XXYLT1: variants seen among roughly 807,000 people sequenced by gnomAD.
The protein encoded by XXYLT1 is xyloside xylosyltransferase 1, also known as UDP-xylose:alpha-xyloside alpha-1,3-xylosyltransferase.
In XXYLT1, 20 loss-of-function variants were observed where a neutral mutation model predicts 28.9. The ratio of observed to expected loss-of-function variants is 0.69; its 90% CI spans 0.49 to 1.00. XXYLT1 has a LOEUF of 1.00. Among genes scored for constraint, XXYLT1 ranks in the 50% least tolerant of loss-of-function variants. The pLI, the probability that XXYLT1 is intolerant of heterozygous loss-of-function variation, is 0.00. For synonymous variants in XXYLT1, 257 were observed against 253.8 expected (o/e 1.01, Z -0.12); for missense variants, 542 against 560.1 (o/e 0.97, Z 0.33).
intron 3 of XXYLT1, among the ~76,000 whole-genome samples, chr3:195,089,264 G>A (rs1425046273): frequency 6.6e-6 from 1 of 152,050 alleles, no homozygotes; most frequent in Non-Finnish European, 1.5e-5. Context: ...AAATGTTAAG[G>A]GCAGCCAGAG....
Position 195,115,040 on chromosome 3 carries a change from T to C in XXYLT1, c.785+41409A>G, listed in dbSNP as rs1717972579. 6.6e-6 allele frequency among the ~76,000 whole-genome samples: 1 copy of C among 152,208 alleles called. No homozygotes were observed. Among genetic ancestry groups the C allele is most frequent in the Non-Finnish European group, 1.5e-5 (1 of 68,030 alleles). ...ATCGTACCTAGCTGAGGTTGCACAG[T>C]TGGCTCCTCCCAAACCTCCCGTTGA... On this transcript the variant is annotated intron_variant, in intron 3 of 3. Coordinates refer to ENST00000310380, the MANE Select transcript of XXYLT1 (RefSeq NM_152531.5). This position sits in a 1 kb window ranked among gnomAD's most constrained non-coding sequence, Gnocchi z 4.2.
chr3:195,243,941 A>C (rs1210958586), intron 1 of XXYLT1, among the ~76,000 whole-genome samples: 1 of 152,144 alleles, frequency 6.6e-6, no homozygotes, highest in Non-Finnish European at 1.5e-5. Context: ...CTAATTTCTA[A>C]AGCCATGTCC....
intron 2 of XXYLT1, among the ~76,000 whole-genome samples, chr3:195,157,824 G>A (rs1284471760): frequency 6.6e-6 from 1 of 152,204 alleles, no homozygotes; most frequent in Non-Finnish European, 1.5e-5. Context: ...CAGAACACAC[G>A]AGTGCAACTT....
At chr3:195,179,703 C>T (rs11719455) in intron 2 of XXYLT1, among the ~76,000 whole-genome samples, 52,869 of 151,874 alleles carry the variant, frequency 0.35, 10,388 homozygotes, top group Middle Eastern at 0.49. Flanking sequence ...CAGCCCACAC[C>T]GAGAGGTAAG....
rs556303451 is a variant in XXYLT1, at chr3:195,241,702, G to A, written c.505-14846C>T. Among the ~76,000 whole-genome samples, 10 of 152,106 alleles carry A rather than the reference G, an allele frequency of 6.6e-5. No individual in the cohort carries two copies. The South Asian group carries it at 8.3e-4, about 13-fold the overall frequency. On this transcript the variant is annotated intron_variant, in intron 1 of 3. Transcript: ENST00000310380. ...AACCCTCCCCCAGAACCTTCTGCCTGAATCCTTCTAGCCATTCAGGTATCA... is the reference window on the plus strand; with the variant it reads ...AACCCTCCCCCAGAACCTTCTGCCTAAATCCTTCTAGCCATTCAGGTATCA...
At chr3:195,071,941 G>C (rs979245683) in intron 3 of XXYLT1, among the ~76,000 whole-genome samples, 1 of 152,144 alleles carries the variant, frequency 6.6e-6, no homozygotes, top group Non-Finnish European at 1.5e-5. Flanking sequence ...GAGAAGCAGG[G>C]AGGCAGGACC....
At chr3:195,145,835 G>A (rs1719815362) in intron 3 of XXYLT1, among the ~76,000 whole-genome samples, 2 of 152,176 alleles carry the variant, frequency 1.3e-5, no homozygotes, top group Non-Finnish European at 2.9e-5. Flanking sequence ...TCCCCAAAAG[G>A]CAGACGGCTG....
chr3:195,082,614 A>C (rs1191142813), intron 3 of XXYLT1, among the ~76,000 whole-genome samples: 1 of 152,176 alleles, frequency 6.6e-6, no homozygotes, highest in Admixed American at 6.5e-5. Flanking sequence ...GCACTTTGGG[A>C]GGCTGAGGCG....
chr3:195,145,526 G>A (rs1049791624), intron 3 of XXYLT1, among the ~76,000 whole-genome samples: 2 of 147,768 alleles, frequency 1.4e-5, no homozygotes, highest in East Asian at 2.0e-4. Flanking sequence ...GGGGCCCTGC[G>A]AGCATCTCTG....
intron 2 of XXYLT1, chr3:195,175,507 T>G (rs199946698): frequency 6.8e-7 from 1 of 1,459,866 alleles, no homozygotes; most frequent in Middle Eastern, 1.8e-4. Flanking sequence ...TGTTGCATGT[T>G]GACTTTGCTG....
At chr3:195,178,284 C>T (rs2108731381) in intron 2 of XXYLT1, among the ~76,000 whole-genome samples, 1 of 152,276 alleles carries the variant, frequency 6.6e-6, no homozygotes, top group East Asian at 1.9e-4. Flanking sequence ...CACACGGAAC[C>T]CTCGCCCAAA....
chr3:195,115,702 C>T lies in XXYLT1; in HGVS notation c.785+40747G>A, dbSNP rs981159824. Among the ~76,000 whole-genome samples the T allele has an allele frequency of 3.9e-5, 6 of 152,182 alleles. No individual in the cohort carries two copies. The highest frequency in any genetic ancestry group is 8.8e-5 in the Non-Finnish European group (6 of 68,036). On this transcript the variant is annotated intron_variant, in intron 3 of 3. Transcript: ENST00000310380. This position sits in a 1 kb window ranked among gnomAD's most constrained non-coding sequence, Gnocchi z 4.2. ...TCTGGCTCCGGCAGCACACCGTGTG[C>T]GCTCTCACCTTTGAGCTGAGGTGTT...
chr3:195,256,030 C>A lies in XXYLT1; in HGVS notation c.504+14525G>T, dbSNP rs1299967341. On this transcript the variant is annotated intron_variant, in intron 1 of 3. Coordinates refer to ENST00000310380, the MANE Select transcript of XXYLT1 (RefSeq NM_152531.5). This position sits in a 1 kb window ranked among gnomAD's most constrained non-coding sequence, Gnocchi z 4.2. ...CCACCCAGCTGACCAGGGGAAGAGG[C>A]CACCCAGCCAGCAGCAGGCACAGGG... Among the ~76,000 whole-genome samples, 1 of 152,156 alleles carries A rather than the reference C, an allele frequency of 6.6e-6. No homozygotes were observed. The highest frequency in any genetic ancestry group is 1.5e-5 in the Non-Finnish European group (1 of 68,006).
At chr3:195,231,970 ACTT>A (rs1254830746) in intron 1 of XXYLT1, among the ~76,000 whole-genome samples, 1 of 152,032 alleles carries the variant, frequency 6.6e-6, no homozygotes, top group African/African-American at 2.4e-5. Flanking sequence ...GGTTGGTATT[ACTT>A]CTTCTTTAAA....
At position 195,108,450 on chromosome 3, in the gene XXYLT1, T is replaced by TA. The variant is rs539058842; in HGVS notation, c.786-38340dup. ...CTGTCTGTAAAATACACATTTGGAG[T>TA]AAAAAATCTGGAAAACTTTACAAAT... On this transcript the variant is annotated intron_variant, in intron 3 of 3. Transcript: ENST00000310380. 1.4e-4 allele frequency among the ~76,000 whole-genome samples: 21 copies of TA among 152,204 alleles called. No homozygotes were observed. In the South Asian group the frequency reaches 1.5e-3, roughly 11 times the overall value.
intron 1 of XXYLT1, among the ~76,000 whole-genome samples, chr3:195,236,347 G>A (rs1191541222): frequency 6.6e-6 from 1 of 152,102 alleles, no homozygotes; most frequent in Non-Finnish European, 1.5e-5. Flanking sequence ...TCTTTCTCCA[G>A]GCAGAGGACT....
intron 1 of XXYLT1, among the ~76,000 whole-genome samples, chr3:195,247,313 G>A (rs1024625040): frequency 3.3e-5 from 5 of 152,160 alleles, no homozygotes; most frequent in African/African-American, 4.8e-5. Flanking sequence ...GGGCCGTGAA[G>A]GCTTCTTAGC....
At position 195,150,851 on chromosome 3, in the gene XXYLT1, C is replaced by T. The variant is rs1720186203; in HGVS notation, c.785+5598G>A. Among the ~76,000 whole-genome samples the T allele has an allele frequency of 9.9e-6, 1 of 101,370 alleles. No homozygotes were observed. The highest frequency in any genetic ancestry group is 2.0e-5 in the Non-Finnish European group (1 of 50,656). The allele number at this position is 101,370 out of a possible 152,430, so 66.5% of individuals were successfully genotyped here. A position where few individuals can be genotyped will look rare whatever the true frequency, so the allele number is the denominator to read the frequency against. ...ACACATACGCACACTCTCTCACACA[C>T]TCTCACACACACACACACTCTCTCC... On this transcript the variant is annotated intron_variant, in intron 3 of 3. Transcript: ENST00000310380. This position sits in a 1 kb window ranked among gnomAD's most constrained non-coding sequence, Gnocchi z 4.7.
intron 3 of XXYLT1, among the ~76,000 whole-genome samples, chr3:195,148,585 A>G (rs1337676970): frequency 2.0e-5 from 3 of 152,184 alleles, no homozygotes; most frequent in African/African-American, 7.2e-5. Context: ...GTTCCCTTAC[A>G]ACGGAGGGCT....
Sources: allele counts gnomAD v4.1 joint callset (sites outside exome capture counted in the v4.1 genomes callset), GRCh38; gene constraint gnomAD v4.1.1; non-coding constraint Gnocchi (gnomAD v3.1); transcripts MANE v1.5; gene names NCBI Gene and HGNC (gene_info 2026-07-23, HGNC 2026-07-21).